The following ZNF740 variants were observed in gnomAD, a reference collection of about 807,000 sequenced individuals.
ZNF740 encodes the protein zinc finger protein 740, also known as oriLyt TD-element-binding protein 7.
Under a neutral mutation model 24.8 loss-of-function variants are expected in ZNF740, and 14 were observed. The observed-to-expected ratio is 0.56, with a 90% confidence interval of 0.37 to 0.88. The LOEUF is 0.88. ZNF740 is among the 40% of genes least tolerant of loss of function. The pLI is 0.00. For synonymous variants in ZNF740, 69 were observed against 84.0 expected, an observed-to-expected ratio of 0.82 and a Z score of 0.98; for missense variants, 201 against 247.9, an observed-to-expected ratio of 0.81 and a Z score of 1.27.
Position 53,187,873 on chromosome 12 carries a change from C to A in ZNF740, c.*283C>A. 2.3e-6 allele frequency: 1 copy of A among 427,408 alleles called. No homozygotes were observed. The highest frequency in any genetic ancestry group is 4.4e-5 in the East Asian group (1 of 22,508). The allele number at this position is 427,408 out of a possible 1,614,324, so 26.5% of individuals were successfully genotyped here. On this transcript the variant is annotated 3_prime_UTR_variant, in exon 7 of 7. Transcript: ENST00000416904. ...AGGTCATAGGTGGGGACTCAAGGTA[C>A]AGGACCAAGACTGAAGTGTGGCTCC...
chr12:53,185,798 G>C (rs368019395), intron 4 of ZNF740, among the ~76,000 whole-genome samples, 156 bp from the exon 5 acceptor site: 30 of 152,212 alleles, frequency 2.0e-4, no homozygotes, highest in African/African-American at 7.2e-4. Context: ...TCCCCAAAGG[G>C]TCTCTTACCT....
In ZNF740 at chr12:53,192,836, C is replaced by A; in HGVS notation, c.*5246C>A. On this transcript the variant is annotated 3_prime_UTR_variant, in exon 7 of 7. Transcript: ENST00000416904. ...TCGGGACTGATGCAACTGTCCATGT[C>A]CCCACTGCATTCGCATGCTCTGCCC... 6.2e-7 allele frequency: 1 copy of A among 1,614,222 alleles called. No homozygotes were observed. Among genetic ancestry groups the A allele is most frequent in the East Asian group, 2.2e-5 (1 of 44,890 alleles).
chr12:53,191,772 G>C lies in ZNF740; in HGVS notation c.*4182G>C. On this transcript the variant is annotated 3_prime_UTR_variant, in exon 7 of 7. Transcript: ENST00000416904. ...AGAGGGGTTGGTTACATGTGCCAGG[G>C]GCTGGGGGAACCCAGTGGGAGGAAT... 6.3e-7 allele frequency: 1 copy of C among 1,577,970 alleles called. No homozygotes were observed. The highest frequency in any genetic ancestry group is 1.1e-5 in the South Asian group (1 of 90,102).
At chr12:53,183,903 A>C (rs1313269991) in intron 2 of ZNF740, among the ~76,000 whole-genome samples, 1 of 152,070 alleles carries the variant, frequency 6.6e-6, no homozygotes, top group East Asian at 1.9e-4. Flanking sequence ...ATTCTCCTGA[A>C]GTCCCAGTTA....
Position 53,193,983 on chromosome 12 carries a change from C to G in ZNF740, c.*6393C>G. On this transcript the variant is annotated 3_prime_UTR_variant, in exon 7 of 7. Coordinates refer to ENST00000416904, the MANE Select transcript of ZNF740 (RefSeq NM_001004304.4). Reference sequence around the variant, plus strand: ...AACTCACCAATCATCCAGAACCTCACCCCTTAGTAAATGAAGGGATGGGGT... The same window carrying G: ...AACTCACCAATCATCCAGAACCTCAGCCCTTAGTAAATGAAGGGATGGGGT... The G allele has an allele frequency of 2.1e-6, 3 of 1,396,494 alleles. No individual in the cohort carries two copies. Among genetic ancestry groups the G allele is most frequent in the Non-Finnish European group, 3.0e-6 (3 of 1,014,936 alleles). The allele number at this position is 1,396,494 out of a possible 1,614,324, so 86.5% of individuals were successfully genotyped here.
rs1250793382 is a variant in ZNF740 at position 53,191,571 on chromosome 12, GTC to G, written c.*3983_*3984del. 2 of 1,612,196 alleles carry G rather than the reference GTC, an allele frequency of 1.2e-6. No individual in the cohort carries two copies. Among genetic ancestry groups the G allele is most frequent in the Non-Finnish European group, 1.7e-6 (2 of 1,178,188 alleles). ...CCTCCCTCCTTCAGAGAGTGGGACT[GTC>G]TGCCTCTTGAAAGCGAGGATTGATG... is the stretch of plus-strand genomic sequence containing the variant. On this transcript the variant is annotated 3_prime_UTR_variant, in exon 7 of 7. Transcript: ENST00000416904.
chr12:53,185,515 G>A (rs1941806094), intron 4 of ZNF740, 39 bp downstream of exon 4: 2 of 1,573,480 alleles, frequency 1.3e-6, no homozygotes, highest in East Asian at 2.2e-5. Context: ...ATACAGTTTG[G>A]TAATGGGGTA....
chr12:53,192,064 G>A lies in ZNF740; in HGVS notation c.*4474G>A. 1 of 1,593,008 alleles carries A rather than the reference G, an allele frequency of 6.3e-7. No individual in the cohort carries two copies. The highest frequency in any genetic ancestry group is 8.6e-7 in the Non-Finnish European group (1 of 1,167,898). ...CACACTTGTGGGAGCTGGAGCATAGGGACAGATCATCAGTTGCTCACAGTG... is the reference window on the plus strand; with the variant it reads ...CACACTTGTGGGAGCTGGAGCATAGAGACAGATCATCAGTTGCTCACAGTG... On this transcript the variant is annotated 3_prime_UTR_variant, in exon 7 of 7. Transcript: ENST00000416904.
Position 53,191,846 on chromosome 12 carries a change from G to A in ZNF740, c.*4256G>A, listed in dbSNP as rs374011695. ...AACAGCTAAAAAGGGGCCTAACCAGGAAGTCTCCTCACCTGCTTCCAGTTG... is the reference window on the plus strand; with the variant it reads ...AACAGCTAAAAAGGGGCCTAACCAGAAAGTCTCCTCACCTGCTTCCAGTTG... On this transcript the variant is annotated 3_prime_UTR_variant, in exon 7 of 7. Transcript: ENST00000416904. The A allele has an allele frequency of 2.2e-4, 352 of 1,612,948 alleles. 1 individual carries two copies. In the African/African-American group the frequency reaches 4.4e-3, roughly 20 times the overall value.
chr12:53,192,455 A>G lies in ZNF740; in HGVS notation c.*4865A>G. On this transcript the variant is annotated 3_prime_UTR_variant, in exon 7 of 7. Coordinates refer to ENST00000416904, the MANE Select transcript of ZNF740 (RefSeq NM_001004304.4). ...ATCATCCAAGATAGGGGCCAAGGCC[A>G]GGGTCACATTGGTATGGGCACAAGC... 6.2e-7 allele frequency: 1 copy of G among 1,614,170 alleles called. No individual in the cohort carries two copies. Among genetic ancestry groups the G allele is most frequent in the Non-Finnish European group, 8.5e-7 (1 of 1,180,034 alleles).
chr12:53,188,811 G>T lies in ZNF740; in HGVS notation c.*1221G>T, dbSNP rs1365707083. 6.6e-6 allele frequency: 1 copy of T among 152,118 alleles called. No individual in the cohort carries two copies. The highest frequency in any genetic ancestry group is 1.5e-5 in the Non-Finnish European group (1 of 68,032). 9.4% of individuals were successfully genotyped at this position (152,118 alleles called of 1,614,324 possible). On this transcript the variant is annotated 3_prime_UTR_variant, in exon 7 of 7. Coordinates refer to ENST00000416904, the MANE Select transcript of ZNF740 (RefSeq NM_001004304.4). The stretch of plus-strand genomic sequence containing the variant: ...AGACTAAAGAAGAAACCTAATGTAG[G>T]TTCCATTCTTAACCATATTCTTTGC...
At position 53,193,058 on chromosome 12, in the gene ZNF740, T is replaced by G; in HGVS notation, c.*5468T>G. ...ACACCGGAATCTTTTGATATTTGCC[T>G]TCCATGCCAGGAGATTCCCAGAGCC... On this transcript the variant is annotated 3_prime_UTR_variant, in exon 7 of 7. Coordinates refer to ENST00000416904, the MANE Select transcript of ZNF740 (RefSeq NM_001004304.4). 7.0e-7 allele frequency: 1 copy of G among 1,421,704 alleles called. No homozygotes were observed. The highest frequency in any genetic ancestry group is 9.7e-7 in the Non-Finnish European group (1 of 1,028,824). 88.1% of individuals were successfully genotyped at this position (1,421,704 alleles called of 1,614,324 possible).
chr12:53,186,618 A>G, intron 6 of ZNF740, 109 bp downstream of exon 6: 2 of 805,266 alleles, frequency 2.5e-6, no homozygotes, highest in Admixed American at 2.3e-5. Context: ...TACTCGCCAT[A>G]ATAGTTAACA....
intron 2 of ZNF740, among the ~76,000 whole-genome samples, chr12:53,184,150 T>TGTGTGTGTGTGTGCGCGCGCGCGCGC (rs59250662): frequency 9.6e-6 from 1 of 104,346 alleles, no homozygotes; most frequent in African/African-American, 3.7e-5. Flanking sequence ...TGTGTGTGTG[T>TGTGTGTGTGTGTGCGCGCGCGCGCGC]GCGCGCGCGC....
Position 53,191,354 on chromosome 12 carries a change from G to T in ZNF740, c.*3764G>T. ...GTAAGACTTTATTGTATACTTGGGT[G>T]GGGTAGCCCAGATGGATGCAAGGTT... On this transcript the variant is annotated 3_prime_UTR_variant, in exon 7 of 7. Coordinates refer to ENST00000416904, the MANE Select transcript of ZNF740 (RefSeq NM_001004304.4). The T allele has an allele frequency of 1.7e-6, 1 of 592,714 alleles. No individual in the cohort carries two copies. The highest frequency in any genetic ancestry group is 1.9e-5 in the South Asian group (1 of 52,326). The allele number at this position is 592,714 out of a possible 1,614,324, so 36.7% of individuals were successfully genotyped here. A position where few individuals can be genotyped will look rare whatever the true frequency, so the allele number is the denominator to read the frequency against.
rs1021719592 is a variant in ZNF740, at chr12:53,183,599, A to G, written c.10-1292A>G. ...TTACTTAAACATACCTTACTTAAGT[A>G]ATTGTTTAAATTATATATGGAGCAA... On this transcript the variant is annotated intron_variant, in intron 2 of 6. Coordinates refer to ENST00000416904, the MANE Select transcript of ZNF740 (RefSeq NM_001004304.4). Among the ~76,000 whole-genome samples, 2 of 152,158 alleles carry G rather than the reference A, an allele frequency of 1.3e-5. 1 individual carries two copies. Among genetic ancestry groups the G allele is most frequent in the South Asian group, 4.1e-4 (2 of 4,836 alleles).
Position 53,192,827 on chromosome 12 carries a change from T to A in ZNF740, c.*5237T>A. The A allele has an allele frequency of 6.2e-7, 1 of 1,614,202 alleles. No individual in the cohort carries two copies. Among genetic ancestry groups the A allele is most frequent in the Non-Finnish European group, 8.5e-7 (1 of 1,180,026 alleles). ...AGCCCTCCCTCGGGACTGATGCAAC[T>A]GTCCATGTCCCCACTGCATTCGCAT... On this transcript the variant is annotated 3_prime_UTR_variant, in exon 7 of 7. Coordinates refer to ENST00000416904, the MANE Select transcript of ZNF740 (RefSeq NM_001004304.4).
chr12:53,186,267 T>C (rs936755430), intron 5 of ZNF740, 124 bp from the exon 6 acceptor site: 2 of 1,137,134 alleles, frequency 1.8e-6, no homozygotes, highest in African/African-American at 3.1e-5. Flanking sequence ...TTTGGGGACC[T>C]CTCCCCATTT....
chr12:53,182,075 A>G lies in ZNF740; in HGVS notation c.9+83A>G. On this transcript the variant is annotated intron_variant, in intron 2 of 6. Coordinates refer to ENST00000416904, the MANE Select transcript of ZNF740 (RefSeq NM_001004304.4). ...TCTTGAATGCTGCCTTAGTCAACATATTGACCAACCCCAGTGATCCAAGCT... is the reference window on the plus strand; with the variant it reads ...TCTTGAATGCTGCCTTAGTCAACATGTTGACCAACCCCAGTGATCCAAGCT... 6 of 1,546,464 alleles carry G rather than the reference A, an allele frequency of 3.9e-6. No homozygotes were observed. In the East Asian group the frequency reaches 1.4e-4, roughly 36 times the overall value.
Sources: allele counts gnomAD v4.1 joint callset (sites outside exome capture counted in the v4.1 genomes callset), GRCh38; gene constraint gnomAD v4.1.1; transcripts MANE v1.5; gene names NCBI Gene and HGNC (gene_info 2026-07-23, HGNC 2026-07-21).